Variants in ADAMTS18 observed in about 807,000 individuals in gnomAD.
The protein encoded by ADAMTS18 is A disintegrin and metalloproteinase with thrombospondin motifs 18.
A neutral mutation model predicts 165.9 loss-of-function variants in ADAMTS18; 157 were observed. The observed-to-expected ratio is 0.95, with a 90% confidence interval of 0.83 to 1.08. ADAMTS18 has a LOEUF of 1.08. ADAMTS18 is among the 50% of genes least tolerant of loss of function. The probability of loss-of-function intolerance (pLI) is 0.00; values close to 1 mark genes in which losing one functional copy is unlikely to be tolerated. For synonymous variants in ADAMTS18, 782 were observed against 578.2 expected, an observed-to-expected ratio of 1.35 and a Z score of -5.06; for missense variants, 2,040 against 1,534.0, an observed-to-expected ratio of 1.33 and a Z score of -5.51.
intron 12 of ADAMTS18, among the ~76,000 whole-genome samples, chr16:77,334,722 C>G (rs866657087): frequency 4.6e-5 from 2 of 43,324 alleles, no homozygotes; most frequent in Non-Finnish European, 3.9e-5. Flanking sequence ...CTATAGTATA[C>G]TACTATATAC....
chr16:77,382,440 G>A (rs1013758094), intron 3 of ADAMTS18, among the ~76,000 whole-genome samples: 1 of 152,138 alleles, frequency 6.6e-6, no homozygotes, highest in Non-Finnish European at 1.5e-5. Flanking sequence ...TCGATCTCCT[G>A]ACCTCGTGAT....
intron 16 of ADAMTS18, among the ~76,000 whole-genome samples, chr16:77,306,625 T>G (rs2055686751): frequency 6.6e-6 from 1 of 152,354 alleles, no homozygotes; most frequent in Non-Finnish European, 1.5e-5. Flanking sequence ...TTTTAAAGAC[T>G]AGCTTTTTAT....
intron 22 of ADAMTS18, among the ~76,000 whole-genome samples, chr16:77,288,196 G>A (rs980290119): frequency 2.0e-5 from 3 of 152,108 alleles, no homozygotes; most frequent in Non-Finnish European, 4.4e-5. Flanking sequence ...CCTTCCAGGA[G>A]ATACTGTTGG....
chr16:77,288,362 C>G (rs2055295619), intron 22 of ADAMTS18, among the ~76,000 whole-genome samples: 1 of 151,720 alleles, frequency 6.6e-6, no homozygotes, highest in Non-Finnish European at 1.5e-5. Flanking sequence ...CCAGCATGGA[C>G]TAGGATGATC....
At chr16:77,361,505 G>A (rs2056712517) in intron 7 of ADAMTS18, among the ~76,000 whole-genome samples, 2 of 152,168 alleles carry the variant, frequency 1.3e-5, no homozygotes, top group Non-Finnish European at 2.9e-5. Flanking sequence ...ACCTGATTCT[G>A]TGGTCATGAT....
chr16:77,349,869 C>T (rs2056530798), intron 10 of ADAMTS18, among the ~76,000 whole-genome samples: 1 of 152,136 alleles, frequency 6.6e-6, no homozygotes, highest in South Asian at 2.1e-4. Flanking sequence ...AATATCTTCC[C>T]CACGATTTCT....
intron 3 of ADAMTS18, among the ~76,000 whole-genome samples, chr16:77,370,908 A>G (rs2056867098): frequency 6.6e-6 from 1 of 152,200 alleles, no homozygotes; most frequent in Admixed American, 6.5e-5. Context: ...AATGCAAATA[A>G]ATAAGAAGAT....
At chr16:77,376,713 ATAGTT>A (rs2056958656) in intron 3 of ADAMTS18, among the ~76,000 whole-genome samples, 5 of 152,222 alleles carry the variant, frequency 3.3e-5, no homozygotes, top group African/African-American at 1.2e-4. Flanking sequence ...TTCTATTTAA[ATAGTT>A]TAATGTTTTA....
intron 10 of ADAMTS18, among the ~76,000 whole-genome samples, chr16:77,342,588 G>A (rs2056415206): frequency 6.6e-6 from 1 of 152,102 alleles, no homozygotes; most frequent in Non-Finnish European, 1.5e-5. Flanking sequence ...ACCAGGCCTG[G>A]CCACCTTCTT....
chr16:77,406,149 C>T lies in ADAMTS18; in HGVS notation c.495+25146G>A, dbSNP rs559583058. On this transcript the variant is annotated intron_variant, in intron 3 of 22. Transcript: ENST00000282849. ...ATTTACAAATGAAATCTAGCAATGA[C>T]TAAAAGTGACACTACATCATAACCA... Among the ~76,000 whole-genome samples, 7 of 152,130 alleles carry T rather than the reference C, an allele frequency of 4.6e-5. No homozygotes were observed. The East Asian group carries it at 9.7e-4, about 21-fold the overall frequency.
At chr16:77,361,384 G>A (rs557971845) in intron 7 of ADAMTS18, among the ~76,000 whole-genome samples, 48 of 152,232 alleles carry the variant, frequency 3.2e-4, no homozygotes, top group African/African-American at 1.1e-3. Flanking sequence ...TCACTGTCTT[G>A]TACAAATATG....
chr16:77,421,450 C>T (rs2057601724), intron 3 of ADAMTS18, among the ~76,000 whole-genome samples: 1 of 152,228 alleles, frequency 6.6e-6, no homozygotes, highest in South Asian at 2.1e-4. Context: ...ATCATTAGGC[C>T]TGTTTATATT....
Position 77,359,402 on chromosome 16 carries a change from A to G in ADAMTS18, c.1238T>C (p.Met413Thr). The G allele has an allele frequency of 6.2e-7, 1 of 1,614,010 alleles. No individual in the cohort carries two copies. The highest frequency in any genetic ancestry group is 8.5e-7 in the Non-Finnish European group (1 of 1,180,008). The change falls in exon 8 of 23, where the codon ATG becomes ACG. Residue 413 changes from methionine to threonine, a missense_variant. Met to Thr is a moderately conservative substitution (Grantham distance 81, BLOSUM62 -1). Coordinates refer to ENST00000282849, the MANE Select transcript of ADAMTS18 (RefSeq NM_199355.4). ...GGTACAACTTCGGTACTTAGAGCAC[A>G]TTCCACTGATGGGGGCAAACCCTAT... ...DTLGFAPISG[M>T]CSKYRSCTIN...
chr16:77,434,567 C>A, intron 1 of ADAMTS18, 39 bp downstream of exon 1: 1 of 1,530,480 alleles, frequency 6.5e-7, no homozygotes, highest in Non-Finnish European at 8.7e-7. Context: ...CGGGCGCCCC[C>A]TGCCACCCGC....
At chr16:77,430,905 A>G (rs1452582253) in intron 3 of ADAMTS18, among the ~76,000 whole-genome samples, 1 of 152,186 alleles carries the variant, frequency 6.6e-6, no homozygotes, top group East Asian at 1.9e-4. Flanking sequence ...GCTGAATGCA[A>G]TTTCGCATTG....
intron 3 of ADAMTS18, among the ~76,000 whole-genome samples, chr16:77,404,818 C>G (rs1359041389): frequency 6.6e-6 from 1 of 152,142 alleles, no homozygotes; most frequent in Non-Finnish European, 1.5e-5. Flanking sequence ...AGTTCCTTAT[C>G]TACTAGGAAG....
chr16:77,334,861 A>G (rs1241992108), intron 12 of ADAMTS18, among the ~76,000 whole-genome samples: 14 of 126,482 alleles, frequency 1.1e-4, no homozygotes, highest in East Asian at 6.7e-4. Context: ...ATATACTATA[A>G]TGTACAGTAT....
chr16:77,390,517 C>A (rs1039107343), intron 3 of ADAMTS18, among the ~76,000 whole-genome samples: 1 of 152,122 alleles, frequency 6.6e-6, no homozygotes, highest in East Asian at 1.9e-4. Context: ...TGGTGAAATG[C>A]CGTCTCTACT....
At chr16:77,371,447 A>G (rs138457830) in intron 3 of ADAMTS18, among the ~76,000 whole-genome samples, 61 of 152,272 alleles carry the variant, frequency 4.0e-4, no homozygotes, top group African/African-American at 1.4e-3. Context: ...ATAAAACAAC[A>G]GAACAGAAGA....
Sources: allele counts gnomAD v4.1 joint callset (sites outside exome capture counted in the v4.1 genomes callset), GRCh38; gene constraint gnomAD v4.1.1; transcripts MANE v1.5; gene names NCBI Gene and HGNC (gene_info 2026-07-23, HGNC 2026-07-21).